TUBA1C: variants seen among roughly 807,000 people sequenced by gnomAD.
TUBA1C encodes tubulin alpha-1C chain.
Under a neutral mutation model 34.9 loss-of-function variants are expected in TUBA1C, and 16 were observed. The observed-to-expected ratio is 0.46, with a 90% CI of 0.31 to 0.70. The LOEUF is 0.70. Among genes scored for constraint, TUBA1C ranks in the 30% least tolerant of loss-of-function variants. The pLI, the probability that TUBA1C is intolerant of heterozygous loss-of-function variation, is 0.05. For synonymous variants in TUBA1C, 177 were observed against 215.9 expected, an observed-to-expected ratio of 0.82 and a Z score of 1.58; for missense variants, 329 against 587.3, an observed-to-expected ratio of 0.56 and a Z score of 4.55.
chr12:49,264,836 TTCCTCCCC>T (rs1942880577), upstream of TUBA1C: 1 of 104,062 alleles, frequency 9.6e-6, no homozygotes, highest in Non-Finnish European at 2.0e-5. Flanking sequence ...CTTCCTCCCC[TTCCTCCCC>T]TTCCTCCCCT....
chr12:49,263,200 T>G (rs1942858722), upstream of TUBA1C, among the ~76,000 whole-genome samples: 1 of 151,966 alleles, frequency 6.6e-6, no homozygotes, highest in Non-Finnish European at 1.5e-5. Context: ...TTCACATTTT[T>G]TGGTAGACAT....
At chr12:49,235,732 C>CAAA (rs567880656) in intron 1 of TUBA1C, among the ~76,000 whole-genome samples, 24 of 67,264 alleles carry the variant, frequency 3.6e-4, no homozygotes, top group African/African-American at 1.1e-3. Context: ...GACTCGGTCT[C>CAAA]AAAAAAAAAA....
rs988415276 is a variant in TUBA1C, at chr12:49,274,072, C to T, written c.*845C>T. Reference sequence around the variant, plus strand: ...GACCCCTGACTCTCAAATTTAAAAACAAAATGCAGGTTCTAATTCTATAGG... The same window carrying T: ...GACCCCTGACTCTCAAATTTAAAAATAAAATGCAGGTTCTAATTCTATAGG... On this transcript the variant is annotated 3_prime_UTR_variant, in exon 4 of 4. Coordinates refer to ENST00000301072, the MANE Select transcript of TUBA1C (RefSeq NM_032704.5). 2.9e-4 allele frequency: 44 copies of T among 152,342 alleles called. No homozygotes were observed. The highest frequency in any genetic ancestry group is 8.2e-4 in the African/African-American group (34 of 41,546). The allele number at this position is 152,342 out of a possible 1,614,324, so 9.4% of individuals were successfully genotyped here.
chr12:49,270,078 A>C, intron 3 of TUBA1C, 102 bp downstream of exon 3: 1 of 1,601,972 alleles, frequency 6.2e-7, no homozygotes, highest in Non-Finnish European at 8.6e-7. Flanking sequence ...GACTATTTGC[A>C]TTGCAACTAA....
At chr12:49,267,640 A>G (rs1267382054) in intron 1 of TUBA1C, among the ~76,000 whole-genome samples, 1 of 152,210 alleles carries the variant, frequency 6.6e-6, no homozygotes, top group Admixed American at 6.5e-5. Flanking sequence ...ACTTTTTCTC[A>G]AAAAGGTAAA....
At chr12:49,229,170 C>T (rs75694287) in intron 1 of TUBA1C, among the ~76,000 whole-genome samples, 2 of 152,022 alleles carry the variant, frequency 1.3e-5, no homozygotes, top group South Asian at 4.1e-4. Flanking sequence ...ATGTTGCGAA[C>T]CTTTATCTTT....
At chr12:49,235,159 T>C (rs1026383175) in intron 1 of TUBA1C, among the ~76,000 whole-genome samples, 2 of 151,484 alleles carry the variant, frequency 1.3e-5, no homozygotes, top group Admixed American at 6.6e-5. Flanking sequence ...AATCAAAAAG[T>C]CTTTTAGACA....
At chr12:49,238,109 CA>C (rs759147395) in intron 1 of TUBA1C, among the ~76,000 whole-genome samples, 3,047 of 103,692 alleles carry the variant, frequency 0.029, 86 homozygotes, top group African/African-American at 0.091. Context: ...GATTCCGCCT[CA>C]AAAAAAAAAA....
intron 1 of TUBA1C, among the ~76,000 whole-genome samples, chr12:49,231,319 C>T (rs1942494511): frequency 6.6e-6 from 1 of 152,104 alleles, no homozygotes; most frequent in African/African-American, 2.4e-5. Flanking sequence ...CGGGCATGCA[C>T]CACCACTCCC....
chr12:49,265,072 C>CCACCCTTT (rs1160766024), upstream of TUBA1C: 1 of 1,393,774 alleles, frequency 7.2e-7, no homozygotes, highest in Admixed American at 2.3e-5. Flanking sequence ...TCGGGGCCGG[C>CCACCCTTT]CACCCTTTCA....
intron 1 of TUBA1C, among the ~76,000 whole-genome samples, chr12:49,251,104 G>A (rs1443504020): frequency 2.0e-5 from 3 of 152,132 alleles, no homozygotes; most frequent in Admixed American, 6.6e-5. Flanking sequence ...CTACTTGGGA[G>A]GCTGAGGTGG....
intron 1 of TUBA1C, among the ~76,000 whole-genome samples, chr12:49,247,143 A>G (rs888654432): frequency 6.6e-6 from 1 of 151,910 alleles, no homozygotes; most frequent in African/African-American, 2.4e-5. Context: ...CCATCTCAAA[A>G]AAAAAAAAGA....
chr12:49,229,111 C>A (rs920326923), intron 1 of TUBA1C, among the ~76,000 whole-genome samples: 2 of 152,090 alleles, frequency 1.3e-5, no homozygotes, highest in African/African-American at 4.8e-5. Flanking sequence ...ATGAAGGAGG[C>A]GGTGGATTTT....
At chr12:49,253,729 T>C (rs771651231) in intron 1 of TUBA1C, among the ~76,000 whole-genome samples, 2 of 152,150 alleles carry the variant, frequency 1.3e-5, no homozygotes, top group Non-Finnish European at 2.9e-5. Flanking sequence ...GGTCTCACTA[T>C]GTCGTCCAAG....
At chr12:49,238,832 C>T (rs1041693298) in intron 1 of TUBA1C, among the ~76,000 whole-genome samples, 2 of 151,950 alleles carry the variant, frequency 1.3e-5, no homozygotes, top group Non-Finnish European at 2.9e-5. Flanking sequence ...GGGCGAGGTA[C>T]GGAGGAAGGG....
chr12:49,265,263 CG>C (rs1392880660), intron 1 of TUBA1C, 79 bp downstream of exon 1: 15 of 1,287,052 alleles, frequency 1.2e-5, no homozygotes, highest in Non-Finnish European at 1.6e-5. Flanking sequence ...GCCTGCACCT[CG>C]GGCCGCGCCC....
intron 1 of TUBA1C, among the ~76,000 whole-genome samples, chr12:49,257,070 C>G (rs1272234836): frequency 6.7e-6 from 1 of 150,252 alleles, no homozygotes; most frequent in African/African-American, 2.5e-5. Flanking sequence ...ATCCCAGCTA[C>G]TTGGGAGTCT....
rs561394334 is a variant in TUBA1C, at chr12:49,242,593, G to A, written c.213+14427G>A. Among the ~76,000 whole-genome samples, 12 of 152,038 alleles carry A rather than the reference G, an allele frequency of 7.9e-5. No homozygotes were observed. In the South Asian group the frequency reaches 1.9e-3, roughly 24 times the overall value. On this transcript the variant is annotated intron_variant, in intron 1 of 3. Coordinates refer to the TUBA1C transcript ENST00000541364. ...AGCAATCCTCCCACCTCAGCCTCCC[G>A]AGTAGCTGGGACTGAAGGTGCACAC...
intron 1 of TUBA1C, among the ~76,000 whole-genome samples, chr12:49,266,061 C>T (rs1942906431): frequency 1.4e-5 from 2 of 147,016 alleles, no homozygotes; most frequent in Admixed American, 6.9e-5. Context: ...ACCCAGGAGG[C>T]GTAGGTTTCC....
Sources: gnomAD v4.1 joint callset for allele counts (sites outside exome capture counted in the v4.1 genomes callset) on GRCh38, gnomAD v4.1.1 for gene constraint, MANE v1.5 for transcripts, NCBI Gene and HGNC (gene_info 2026-07-23, HGNC 2026-07-21) for gene names.